The following SGCZ variants were observed in gnomAD, a reference collection of about 807,000 sequenced individuals.
The protein encoded by SGCZ is sarcoglycan zeta.
A neutral mutation model predicts 41.3 loss-of-function variants in SGCZ; 40 were observed. The observed-to-expected ratio is 0.97, with a 90% CI of 0.75 to 1.26. The LOEUF is 1.26. SGCZ is among the 50% of genes most tolerant of loss of function. The probability of loss-of-function intolerance (pLI) is 0.00; values close to 1 mark genes in which losing one functional copy is unlikely to be tolerated. For synonymous variants in SGCZ, 206 were observed against 137.5 expected (o/e 1.50, Z -3.49); for missense variants, 552 against 369.8 (o/e 1.49, Z -4.04).
chr8:14,392,662 T>C (rs1451435910), intron 2 of SGCZ, among the ~76,000 whole-genome samples: 1 of 152,164 alleles, frequency 6.6e-6, no homozygotes, highest in African/African-American at 2.4e-5. Context: ...TTGAAATACA[T>C]GAATAAATGA....
intron 1 of SGCZ, among the ~76,000 whole-genome samples, chr8:14,721,372 T>C (rs920782972): frequency 6.6e-6 from 1 of 152,184 alleles, no homozygotes. Flanking sequence ...AATCTAGATA[T>C]CCAAAAGAGA....
intron 5 of SGCZ, among the ~76,000 whole-genome samples, chr8:14,141,930 T>C (rs960573863): frequency 2.0e-5 from 3 of 152,166 alleles, no homozygotes; most frequent in Non-Finnish European, 4.4e-5. Context: ...TGTCCAACAA[T>C]GATAGACTGG....
chr8:14,585,349 A>G (rs1008639482), intron 1 of SGCZ, among the ~76,000 whole-genome samples: 2 of 152,154 alleles, frequency 1.3e-5, no homozygotes, highest in Non-Finnish European at 2.9e-5. Context: ...TTTTGGATGA[A>G]GAAAATTTCA....
At chr8:14,644,309 T>A (rs1457084160) in intron 1 of SGCZ, among the ~76,000 whole-genome samples, 1 of 151,754 alleles carries the variant, frequency 6.6e-6, no homozygotes, top group East Asian at 1.9e-4. Flanking sequence ...TAGGGGCAGA[T>A]GCTGAGGTTT....
intron 1 of SGCZ, among the ~76,000 whole-genome samples, chr8:14,671,748 CAT>C (rs776940937): frequency 3.3e-5 from 5 of 152,166 alleles, no homozygotes; most frequent in African/African-American, 4.8e-5. Flanking sequence ...GGAATAATAA[CAT>C]AAATAATTTC....
intron 1 of SGCZ, among the ~76,000 whole-genome samples, chr8:14,856,784 A>C (rs1250804089): frequency 6.6e-6 from 1 of 152,234 alleles, no homozygotes; most frequent in Non-Finnish European, 1.5e-5. Flanking sequence ...TTACGCAGAC[A>C]GTCAACAGCA....
At chr8:14,313,057 CG>C (rs2117003746) in intron 3 of SGCZ, among the ~76,000 whole-genome samples, 1 of 152,220 alleles carries the variant, frequency 6.6e-6, no homozygotes, top group East Asian at 1.9e-4. Context: ...TGCTCAACAA[CG>C]TTTTTTCATG....
chr8:14,803,298 G>A (rs967993219), intron 1 of SGCZ, among the ~76,000 whole-genome samples: 1 of 152,128 alleles, frequency 6.6e-6, no homozygotes, highest in East Asian at 1.9e-4. Flanking sequence ...GGTGATTTCT[G>A]CATTTCCATC....
At chr8:14,394,648 T>C (rs1667099209) in intron 2 of SGCZ, among the ~76,000 whole-genome samples, 1 of 152,070 alleles carries the variant, frequency 6.6e-6, no homozygotes, top group Non-Finnish European at 1.5e-5. Flanking sequence ...CAGTAATCCG[T>C]GGGTGAAATG....
chr8:15,028,897 T>C (rs929347014), intron 1 of SGCZ, among the ~76,000 whole-genome samples: 8 of 152,076 alleles, frequency 5.3e-5, no homozygotes, highest in Admixed American at 4.6e-4. Flanking sequence ...ATATTCAAGA[T>C]AATTTAAAGA....
At chr8:14,374,998 G>T (rs1459038820) in intron 2 of SGCZ, among the ~76,000 whole-genome samples, 1 of 152,162 alleles carries the variant, frequency 6.6e-6, no homozygotes, top group Non-Finnish European at 1.5e-5. Flanking sequence ...AATGGGACAA[G>T]TTCTAGGTAT....
intron 2 of SGCZ, among the ~76,000 whole-genome samples, chr8:14,485,423 A>C (rs1375529081): frequency 6.6e-6 from 1 of 152,022 alleles, no homozygotes; most frequent in African/African-American, 2.4e-5. Context: ...TTTTTAGTAG[A>C]GATGGTGTTT....
At chr8:14,921,689 A>G (rs1799592848) in intron 1 of SGCZ, among the ~76,000 whole-genome samples, 1 of 152,154 alleles carries the variant, frequency 6.6e-6, no homozygotes, top group African/African-American at 2.4e-5. Flanking sequence ...ATCATTTTAC[A>G]GATGTAAAGT....
At chr8:14,958,274 T>C (rs1800856693) in intron 1 of SGCZ, among the ~76,000 whole-genome samples, 2 of 152,026 alleles carry the variant, frequency 1.3e-5, no homozygotes, top group South Asian at 4.1e-4. Flanking sequence ...TATGTATCCA[T>C]AAAAAATGCT....
At chr8:14,450,809 GGACAGAAT>G (rs1426206575) in intron 2 of SGCZ, among the ~76,000 whole-genome samples, 1 of 152,154 alleles carries the variant, frequency 6.6e-6, no homozygotes, top group Non-Finnish European at 1.5e-5. Context: ...TACACACTAA[GGACAGAAT>G]TACCTGGGCT....
At chr8:14,766,493 A>G (rs181485292) in intron 1 of SGCZ, among the ~76,000 whole-genome samples, 2 of 152,144 alleles carry the variant, frequency 1.3e-5, no homozygotes, top group East Asian at 3.9e-4. Context: ...CACAAACTCA[A>G]CAGATGTTTG....
intron 1 of SGCZ, among the ~76,000 whole-genome samples, chr8:15,142,067 C>T (rs1798902897): frequency 6.6e-6 from 1 of 152,168 alleles, no homozygotes; most frequent in East Asian, 1.9e-4. Context: ...AGGTTCCCAA[C>T]AGATGGGGAA....
chr8:14,202,943 G>A (rs1805502159), intron 4 of SGCZ, among the ~76,000 whole-genome samples: 1 of 152,138 alleles, frequency 6.6e-6, no homozygotes, highest in South Asian at 2.1e-4. Flanking sequence ...GGAATTATGG[G>A]GGCGGGTCTT....
chr8:14,434,201 C>T, intron 2 of SGCZ, among the ~76,000 whole-genome samples: 1 of 152,272 alleles, frequency 6.6e-6, no homozygotes, highest in Non-Finnish European at 1.5e-5. Context: ...GCCAATGATC[C>T]CAGCACCATT....
Sources: allele counts gnomAD v4.1 joint callset (sites outside exome capture counted in the v4.1 genomes callset), GRCh38; gene constraint gnomAD v4.1.1; transcripts MANE v1.5; gene names NCBI Gene and HGNC (gene_info 2026-07-23, HGNC 2026-07-21).